Variants in CHST9 observed in about 807,000 individuals in gnomAD.
The protein encoded by CHST9 is carbohydrate sulfotransferase 9, also known as GalNAc-4-sulfotransferase 2.
A neutral mutation model predicts 44.4 loss-of-function variants in CHST9; 41 were observed. The ratio of observed to expected loss-of-function variants is 0.92; its 90% CI spans 0.72 to 1.20. The LOEUF (loss-of-function observed/expected upper bound fraction) is 1.20. CHST9 is among the 50% of genes most tolerant of loss of function. The pLI is 0.00. For missense variants in CHST9, 504 were observed against 516.5 expected (o/e 0.98, Z 0.23); for synonymous variants, 171 against 178.4 (o/e 0.96, Z 0.33).
intron 5 of CHST9, among the ~76,000 whole-genome samples, chr18:26,921,022 A>G (rs1347171036): frequency 6.6e-6 from 1 of 152,180 alleles, no homozygotes. Context: ...ATCCCCAGGT[A>G]CTCCAGTGGC....
intron 3 of CHST9, among the ~76,000 whole-genome samples, chr18:27,043,980 G>T (rs2057472103): frequency 6.6e-6 from 1 of 151,818 alleles, no homozygotes. Context: ...CATCTCTCTG[G>T]CAATGTCTCT....
At chr18:27,000,897 C>T (rs80000276) in intron 4 of CHST9, among the ~76,000 whole-genome samples, 1 of 152,096 alleles carries the variant, frequency 6.6e-6, no homozygotes, top group Non-Finnish European at 1.5e-5. Flanking sequence ...AGATTCACCC[C>T]CCCATCTCTG....
At chr18:27,062,777 A>G (rs2057740296) in intron 2 of CHST9, among the ~76,000 whole-genome samples, 1 of 152,216 alleles carries the variant, frequency 6.6e-6, no homozygotes, top group African/African-American at 2.4e-5. Flanking sequence ...AGTCCCACCA[A>G]CAGTGTAAAA....
intron 2 of CHST9, among the ~76,000 whole-genome samples, chr18:27,102,081 G>T (rs1185741537): frequency 6.6e-6 from 1 of 152,190 alleles, no homozygotes; most frequent in Non-Finnish European, 1.5e-5. Flanking sequence ...GTTATGTTTT[G>T]TGTTTGGGTG....
At chr18:27,004,699 T>C (rs1033632063) in intron 4 of CHST9, among the ~76,000 whole-genome samples, 2 of 152,186 alleles carry the variant, frequency 1.3e-5, no homozygotes, top group Admixed American at 6.6e-5. Context: ...TCCCTTTTCG[T>C]AGTACAAATG....
At chr18:27,099,827 A>G (rs1217404495) in intron 2 of CHST9, among the ~76,000 whole-genome samples, 2 of 152,130 alleles carry the variant, frequency 1.3e-5, no homozygotes, top group Non-Finnish European at 2.9e-5. Flanking sequence ...TTAATTTCTC[A>G]AAGGACTTAA....
chr18:27,150,309 C>G (rs1269819702), intron 1 of CHST9, among the ~76,000 whole-genome samples: 1 of 152,168 alleles, frequency 6.6e-6, no homozygotes, highest in Non-Finnish European at 1.5e-5. Context: ...GGTTTTCCAG[C>G]ACTTCTGTGT....
intron 1 of CHST9, among the ~76,000 whole-genome samples, chr18:27,178,749 C>T (rs1439063995): frequency 1.3e-5 from 2 of 152,064 alleles, no homozygotes; most frequent in East Asian, 3.9e-4. Context: ...ACACCCCTTA[C>T]CCTCAACTTC....
intron 3 of CHST9, among the ~76,000 whole-genome samples, chr18:27,035,714 T>C (rs1175657462): frequency 2.0e-5 from 3 of 152,170 alleles, no homozygotes; most frequent in Non-Finnish European, 2.9e-5. Context: ...AGACAAATTC[T>C]ACATAATCTC....
intron 4 of CHST9, among the ~76,000 whole-genome samples, chr18:26,953,965 T>C (rs2056286375): frequency 6.6e-6 from 1 of 152,216 alleles, no homozygotes; most frequent in Admixed American, 6.5e-5. Flanking sequence ...GATGAGATTA[T>C]GAATCTATTC....
rs2058639322 is a variant in CHST9, at chr18:27,149,147, T to C, written c.-96-6242A>G. Among the ~76,000 whole-genome samples the C allele has an allele frequency of 1.5e-5, 2 of 129,380 alleles. 1 individual carries two copies. The highest frequency in any genetic ancestry group is 5.6e-5 in the African/African-American group (2 of 35,938). 84.9% of individuals were successfully genotyped at this position (129,380 alleles called of 152,430 possible). ...AAATTTGTTTGAGTTCATTGTAGAT[T>C]CTGGATATTAGCCCTTTGTCAGATG... On this transcript the variant is annotated intron_variant, in intron 1 of 5. Coordinates refer to ENST00000618847, the MANE Select transcript of CHST9 (RefSeq NM_031422.6).
chr18:26,984,926 A>G (rs1189824641), intron 4 of CHST9, among the ~76,000 whole-genome samples: 1 of 152,172 alleles, frequency 6.6e-6, no homozygotes, highest in Non-Finnish European at 1.5e-5. Context: ...ACTATTTTGG[A>G]AAACTCTTCA....
At chr18:27,000,197 A>G (rs2056932628) in intron 4 of CHST9, among the ~76,000 whole-genome samples, 1 of 152,258 alleles carries the variant, frequency 6.6e-6, no homozygotes. Flanking sequence ...TTGTGCAGAT[A>G]GCTAACCATG....
chr18:27,100,782 C>A (rs914752970), intron 2 of CHST9, among the ~76,000 whole-genome samples: 2 of 152,106 alleles, frequency 1.3e-5, no homozygotes, highest in African/African-American at 4.8e-5. Flanking sequence ...AATGTAGTGG[C>A]CTCAAATATG....
chr18:27,083,452 T>C (rs190542935), intron 2 of CHST9, among the ~76,000 whole-genome samples: 123 of 152,276 alleles, frequency 8.1e-4, no homozygotes, highest in African/African-American at 2.9e-3. Context: ...TGAACATGTC[T>C]TTTCATAAGA....
At chr18:26,971,411 G>C (rs2056540750) in intron 4 of CHST9, among the ~76,000 whole-genome samples, 1 of 152,252 alleles carries the variant, frequency 6.6e-6, no homozygotes, top group Admixed American at 6.5e-5. Context: ...ATTGTTGTCA[G>C]TACTCAGGAG....
chr18:27,047,939 T>C (rs759429807), intron 3 of CHST9, among the ~76,000 whole-genome samples: 13 of 152,190 alleles, frequency 8.5e-5, no homozygotes, highest in Non-Finnish European at 1.6e-4. Context: ...AGTTAGCAAA[T>C]ACTGACCCCT....
intron 2 of CHST9, among the ~76,000 whole-genome samples, chr18:27,068,993 T>C (rs993502142): frequency 5.9e-5 from 9 of 152,232 alleles, no homozygotes; most frequent in Non-Finnish European, 1.3e-4. Context: ...TTGCCTGCCA[T>C]TTTATGTGTT....
At chr18:27,066,737 T>A (rs549641128) in intron 2 of CHST9, among the ~76,000 whole-genome samples, 1 of 152,346 alleles carries the variant, frequency 6.6e-6, no homozygotes, top group South Asian at 2.1e-4. Flanking sequence ...AACCTAGTTG[T>A]GTTTTTCATT....
Sources: gnomAD v4.1 joint callset for allele counts (sites outside exome capture counted in the v4.1 genomes callset) on GRCh38, gnomAD v4.1.1 for gene constraint, MANE v1.5 for transcripts, NCBI Gene and HGNC (gene_info 2026-07-23, HGNC 2026-07-21) for gene names.